The following UTP4 variants were observed in gnomAD, a reference collection of about 807,000 sequenced individuals.
The protein encoded by UTP4 is UTP4 small subunit processome component, also known as U3 small nucleolar RNA-associated protein 4 homolog.
In UTP4, 45 loss-of-function variants were observed where a neutral mutation model predicts 82.4. That is an observed-to-expected ratio of 0.55 (90% CI 0.43 to 0.70). The LOEUF (loss-of-function observed/expected upper bound fraction) is 0.70. Ranked by LOEUF, UTP4 falls within the 30% of genes least tolerant of loss-of-function variation. The pLI is 0.00. For synonymous variants in UTP4, 348 were observed against 300.3 expected (o/e 1.16, Z -1.64); for missense variants, 819 against 858.3 (o/e 0.95, Z 0.57).
intron 14 of UTP4, among the ~76,000 whole-genome samples, chr16:69,164,597 T>TATAC (rs1963652051): frequency 7.6e-6 from 1 of 130,942 alleles, no homozygotes; most frequent in Non-Finnish European, 1.7e-5. Context: ...TATATATATA[T>TATAC]ATATATATAT....
chr16:69,141,337 G>A (rs984776750), intron 5 of UTP4, among the ~76,000 whole-genome samples: 3 of 152,222 alleles, frequency 2.0e-5, no homozygotes, highest in Admixed American at 6.5e-5. Flanking sequence ...TGGATCCTGA[G>A]TAAGAGTGCA....
intron 3 of UTP4, among the ~76,000 whole-genome samples, chr16:69,137,273 T>C (rs962042681): frequency 2.0e-5 from 3 of 152,206 alleles, no homozygotes; most frequent in Non-Finnish European, 2.9e-5. Context: ...GAGAGTCCCT[T>C]CAGCAAGTTA....
At chr16:69,158,498 C>T (rs572286176) in intron 12 of UTP4, among the ~76,000 whole-genome samples, 62 of 152,110 alleles carry the variant, frequency 4.1e-4, no homozygotes, top group Admixed American at 1.2e-3. Context: ...TCTCACTGTT[C>T]ATAAGCTGAT....
In UTP4 at chr16:69,168,946, A is replaced by G; in HGVS notation, c.*9A>G. On this transcript the variant is annotated 3_prime_UTR_variant, in exon 17 of 17. Transcript: ENST00000314423. ...AGAAATTTGGAACCTAAAACAGGGC[A>G]CTGTCTGTGTCCTTCCTTGAACTGT... 1 of 1,508,626 alleles carries G rather than the reference A, an allele frequency of 6.6e-7. No individual in the cohort carries two copies. Among genetic ancestry groups the G allele is most frequent in the African/African-American group, 1.4e-5 (1 of 72,974 alleles). The allele number at this position is 1,508,626 out of a possible 1,614,324, so 93.5% of individuals were successfully genotyped here.
At position 69,133,557 on chromosome 16, in the gene UTP4, T is replaced by C. The variant is rs74886292; in HGVS notation, c.98T>C (p.Val33Ala). The change falls in exon 2 of 17, where the codon GTT becomes GCT. Residue 33 changes from valine (V) to alanine (A), a missense_variant. Physicochemically the swap from Val to Ala is moderately conservative, Grantham distance 64. Transcript: ENST00000314423. Reference protein sequence around the residue: ...AYNNQSNRLAVSRTDGTVEIY... With the variant: ...AYNNQSNRLAASRTDGTVEIY... Reference sequence around the variant, plus strand: ...AATAACCAGTCAAACAGATTGGCTGTTTCACGAACAGATGGCACTGTGGAA... The same window carrying C: ...AATAACCAGTCAAACAGATTGGCTGCTTCACGAACAGATGGCACTGTGGAA... The C allele has an allele frequency of 1.9e-6, 3 of 1,613,870 alleles. No homozygotes were observed. The highest frequency in any genetic ancestry group is 1.7e-5 in the Admixed American group (1 of 60,002).
intron 8 of UTP4, 37 bp downstream of exon 8, chr16:69,150,941 C>A: frequency 6.8e-7 from 1 of 1,461,058 alleles, no homozygotes; most frequent in Non-Finnish European, 9.6e-7. Context: ...AACCCCTCAT[C>A]TCCCCATCCC....
intron 14 of UTP4, among the ~76,000 whole-genome samples, chr16:69,164,073 A>G (rs1245647184): frequency 1.3e-5 from 2 of 151,580 alleles, no homozygotes; most frequent in Admixed American, 6.6e-5. Flanking sequence ...TTTAGTAGAG[A>G]TGGAGTTTCA....
chr16:69,138,824 T>C (rs1361431410), intron 4 of UTP4, among the ~76,000 whole-genome samples: 1 of 152,178 alleles, frequency 6.6e-6, no homozygotes, highest in Non-Finnish European at 1.5e-5. Flanking sequence ...AAACAAGCAG[T>C]GGGCCTGATT....
chr16:69,151,973 G>T (rs1027081087), intron 8 of UTP4, among the ~76,000 whole-genome samples: 1 of 151,220 alleles, frequency 6.6e-6, no homozygotes, highest in Admixed American at 6.6e-5. Context: ...ACCTCATTGA[G>T]TCTACTCATC....
intron 16 of UTP4, chr16:69,167,630 A>G (rs555216725): frequency 1.2e-5 from 2 of 163,902 alleles, no homozygotes; most frequent in South Asian, 1.7e-4. Flanking sequence ...AAACCCCATC[A>G]CTATTAACAA....
At chr16:69,133,429 G>A (rs772776542) in intron 1 of UTP4, 29 bp from the exon 2 acceptor site, 2 of 1,610,498 alleles carry the variant, frequency 1.2e-6, no homozygotes, top group South Asian at 1.1e-5. Flanking sequence ...TTAACATATA[G>A]CAATAATGAC....
intron 6 of UTP4, 74 bp downstream of exon 6, chr16:69,143,463 G>C (rs1265842685): frequency 7.5e-7 from 1 of 1,327,526 alleles, no homozygotes; most frequent in Non-Finnish European, 1.1e-6. Context: ...CCTTAGTGAC[G>C]TGCCATGAAC....
intron 16 of UTP4, 186 bp downstream of exon 16, chr16:69,167,371 G>A: frequency 1.2e-5 from 7 of 606,678 alleles, no homozygotes; most frequent in South Asian, 1.9e-5. Flanking sequence ...TGCCTTAGTA[G>A]GTTAGAGGCA....
At chr16:69,147,164 G>A (rs1193517337) in intron 6 of UTP4, among the ~76,000 whole-genome samples, 1 of 140,360 alleles carries the variant, frequency 7.1e-6, no homozygotes, top group Non-Finnish European at 1.5e-5. Flanking sequence ...TCAACAGAGT[G>A]CAACTCCAGC....
At chr16:69,164,402 A>G (rs905651204) in intron 14 of UTP4, among the ~76,000 whole-genome samples, 2 of 151,864 alleles carry the variant, frequency 1.3e-5, no homozygotes, top group African/African-American at 4.8e-5. Context: ...GAAGTTTTTT[A>G]TATCTGTTAG....
At chr16:69,147,176 CAAA>C (rs1963138916) in intron 6 of UTP4, among the ~76,000 whole-genome samples, 1 of 115,690 alleles carries the variant, frequency 8.6e-6, no homozygotes, top group Non-Finnish European at 1.8e-5. Flanking sequence ...AACTCCAGCT[CAAA>C]ATAATAATAA....
chr16:69,145,086 G>A (rs1324364927), intron 6 of UTP4, among the ~76,000 whole-genome samples: 1 of 151,842 alleles, frequency 6.6e-6, no homozygotes, highest in African/African-American at 2.4e-5. Flanking sequence ...AGGTTGCAGT[G>A]AGCCGAGATC....
Position 69,143,242 on chromosome 16 carries a change from C to G in UTP4, c.591C>G (p.Ile197Met). Reference protein sequence around the residue: ...QYMGVSKRKCIVWGVAFLSDG... With the variant: ...QYMGVSKRKCMVWGVAFLSDG... The stretch of plus-strand genomic sequence containing the variant: ...TGGGCGTGTCTAAGCGGAAGTGCAT[C>G]GTGTGGGGTGTCGCCTTCTTGTCCG... The change falls in exon 6 of 17, where the codon ATC becomes ATG. Residue 197 changes from isoleucine (I) to methionine (M), a missense_variant. Transcript: ENST00000314423. The G allele has an allele frequency of 6.2e-7, 1 of 1,614,212 alleles. No individual in the cohort carries two copies. The highest frequency in any genetic ancestry group is 2.2e-5 in the East Asian group (1 of 44,888).
At chr16:69,154,315 G>A in intron 9 of UTP4, 78 bp from the exon 10 acceptor site, 2 of 1,149,642 alleles carry the variant, frequency 1.7e-6, no homozygotes, top group Non-Finnish European at 2.6e-6. Flanking sequence ...ATTTTTCCAA[G>A]GAGTAACTTT....
Sources: gnomAD v4.1 joint callset for allele counts (sites outside exome capture counted in the v4.1 genomes callset) on GRCh38, gnomAD v4.1.1 for gene constraint, MANE v1.5 for transcripts, NCBI Gene and HGNC (gene_info 2026-07-23, HGNC 2026-07-21) for gene names.